ANKMY2: variants seen among roughly 807,000 people sequenced by gnomAD.
ANKMY2 encodes ankyrin repeat and MYND domain-containing protein 2.
A neutral mutation model predicts 50.4 loss-of-function variants in ANKMY2; 36 were observed. The ratio of observed to expected loss-of-function variants is 0.71; its 90% CI spans 0.55 to 0.94. The LOEUF is 0.94. ANKMY2 is among the 40% of genes least tolerant of loss of function. ANKMY2 has a pLI of 0.00. For missense variants in ANKMY2, 565 were observed against 524.0 expected (o/e 1.08, Z -0.76); for synonymous variants, 187 against 178.8 (o/e 1.05, Z -0.36).
intron 5 of ANKMY2, among the ~76,000 whole-genome samples, chr7:16,613,143 C>A (rs181306510): frequency 3.5e-4 from 53 of 152,162 alleles, no homozygotes; most frequent in African/African-American, 1.3e-3. Flanking sequence ...TCCTAGATAA[C>A]CTTCATATTC....
At chr7:16,614,568 C>T (rs1276570443) in intron 5 of ANKMY2, among the ~76,000 whole-genome samples, 1 of 152,150 alleles carries the variant, frequency 6.6e-6, no homozygotes, top group African/African-American at 2.4e-5. Flanking sequence ...GAAAGATGCA[C>T]AGGGATGCAT....
intron 1 of ANKMY2, among the ~76,000 whole-genome samples, chr7:16,637,991 G>C (rs1028084773): frequency 2.0e-5 from 3 of 152,176 alleles, no homozygotes; most frequent in Non-Finnish European, 2.9e-5. Context: ...TTGCCAAATA[G>C]CCAACAATCT....
chr7:16,625,904 C>G (rs1781499886), intron 3 of ANKMY2, among the ~76,000 whole-genome samples: 1 of 151,548 alleles, frequency 6.6e-6, no homozygotes, highest in African/African-American at 2.4e-5. Flanking sequence ...TTTGATCAGC[C>G]AGTGGTATTT....
At position 16,609,677 on chromosome 7, in the gene ANKMY2, C is replaced by G; in HGVS notation, c.835G>C (p.Ala279Pro). 1.2e-6 allele frequency: 2 copies of G among 1,612,894 alleles called. No homozygotes were observed. The highest frequency in any genetic ancestry group is 1.7e-6 in the Non-Finnish European group (2 of 1,179,664). ...CGAACCAGCTGCTGGAGGAGTGTAG[C>G]TTCACAGTAAGGAAATTTTCTGATA... ...ESIRKFPYCE[A>P]TLLQQLVRSI... Residue 279 changes from alanine to proline, a missense_variant, in exon 7 of 10, where the codon GCT becomes CCT. Ala to Pro is a conservative substitution (Grantham distance 27, BLOSUM62 -1). Transcript: ENST00000306999.
At chr7:16,642,567 T>G (rs923913804) in intron 1 of ANKMY2, among the ~76,000 whole-genome samples, 6 of 152,102 alleles carry the variant, frequency 3.9e-5, no homozygotes, top group Non-Finnish European at 8.8e-5. Context: ...GATGCCAGGC[T>G]AGACTTTGCT....
At chr7:16,636,502 T>G in intron 1 of ANKMY2, 47 bp from the exon 2 acceptor site, 1 of 1,447,196 alleles carries the variant, frequency 6.9e-7, no homozygotes, top group African/African-American at 1.4e-5. Flanking sequence ...GTCACTAGAA[T>G]AAGAGAAAAA....
chr7:16,602,312 G>A (rs2128341460), intron 9 of ANKMY2, 68 bp downstream of exon 9: 2 of 1,555,402 alleles, frequency 1.3e-6, no homozygotes, highest in African/African-American at 1.4e-5. Flanking sequence ...CAGTTTCAGT[G>A]TGTTAAGATC....
intron 2 of ANKMY2, 59 bp downstream of exon 2, chr7:16,636,332 G>GGATATATTA (rs1781659582): frequency 3.5e-6 from 1 of 284,052 alleles, no homozygotes; most frequent in Non-Finnish European, 6.3e-6. Flanking sequence ...AAAAAAAAAA[G>GGATATATTA]GATATATTAT....
chr7:16,639,499 G>A (rs1416770867), intron 1 of ANKMY2, among the ~76,000 whole-genome samples: 1 of 152,156 alleles, frequency 6.6e-6, no homozygotes, highest in Non-Finnish European at 1.5e-5. Flanking sequence ...AGCATAACCT[G>A]CCTCATTAGG....
At chr7:16,642,740 T>C (rs941905774) in intron 1 of ANKMY2, among the ~76,000 whole-genome samples, 1 of 152,098 alleles carries the variant, frequency 6.6e-6, no homozygotes, top group East Asian at 1.9e-4. Context: ...TTTCTTCAAC[T>C]ATAAAATAAA....
At position 16,645,617 on chromosome 7, in the gene ANKMY2, T is replaced by TA. The variant is rs749678816; in HGVS notation, c.-45dup. The stretch of plus-strand genomic sequence containing the variant: ...GGTTATTCCCTTTCTTAGGGAGTAT[T>TA]AAAAAAGAAACGATGCGTCTGTATT... On this transcript the variant is annotated 5_prime_UTR_variant, in exon 1 of 10. Coordinates refer to ENST00000306999, the MANE Select transcript of ANKMY2 (RefSeq NM_020319.3). 2 of 1,588,106 alleles carry TA rather than the reference T, an allele frequency of 1.3e-6. No homozygotes were observed. Among genetic ancestry groups the TA allele is most frequent in the South Asian group, 2.3e-5 (2 of 88,374 alleles).
At chr7:16,644,032 G>A (rs1471076742) in intron 1 of ANKMY2, among the ~76,000 whole-genome samples, 3 of 150,472 alleles carry the variant, frequency 2.0e-5, no homozygotes, top group Middle Eastern at 3.4e-3. Flanking sequence ...CAGCGAGAGC[G>A]AGAGAGAGAG....
In ANKMY2 at chr7:16,610,536, G is replaced by A. The variant is rs773034887; in HGVS notation, c.746+13C>T. The A allele has an allele frequency of 5.0e-6, 8 of 1,589,016 alleles. No homozygotes were observed. In the East Asian group the frequency reaches 1.6e-4, roughly 31 times the overall value. ...TTGAGTGTATTTTATAAACGACATA[G>A]TAAAAAGAGTACCTTTTGATCAAGG... is the stretch of plus-strand genomic sequence containing the variant. On this transcript the variant is annotated intron_variant, in intron 6 of 9. Transcript: ENST00000306999.
At chr7:16,643,175 A>T (rs2128347323) in intron 1 of ANKMY2, among the ~76,000 whole-genome samples, 1 of 152,330 alleles carries the variant, frequency 6.6e-6, no homozygotes, top group Non-Finnish European at 1.5e-5. Context: ...AGGCTCAGGA[A>T]AAGTCACTTG....
intron 1 of ANKMY2, chr7:16,644,875 G>A: frequency 2.8e-6 from 1 of 358,064 alleles, no homozygotes; most frequent in Non-Finnish European, 5.6e-6. Flanking sequence ...TGTGCAACGT[G>A]GGCCGAGGGG....
At chr7:16,644,997 A>G (rs766096698) in intron 1 of ANKMY2, among the ~76,000 whole-genome samples, 3 of 152,188 alleles carry the variant, frequency 2.0e-5, no homozygotes, top group Non-Finnish European at 2.9e-5. Flanking sequence ...AGCAAATTAC[A>G]GACCTAGTTC....
At chr7:16,626,179 T>C (rs2214864) in intron 3 of ANKMY2, among the ~76,000 whole-genome samples, 124,660 of 151,868 alleles carry the variant, frequency 0.82, 51,411 homozygotes, top group Admixed American at 0.85. Flanking sequence ...CGGGGTCTCA[T>C]GGTGTTGCCT....
chr7:16,645,531 CCTT>C lies in ANKMY2; in HGVS notation c.40_42del (p.Lys14del). 1.2e-6 allele frequency: 2 copies of C among 1,612,076 alleles called. No homozygotes were observed. Among genetic ancestry groups the C allele is most frequent in the Non-Finnish European group, 1.7e-6 (2 of 1,179,018 alleles). On this transcript the variant is annotated inframe_deletion, in exon 1 of 10. Transcript: ENST00000306999. ...CCTTTCCCGATGACTTCCAGTAGCT[CCTT>C]CTCCTCCTGGGTCAGCTCGCCTTTC...
At chr7:16,609,957 C>T (rs1781220683) in intron 6 of ANKMY2, among the ~76,000 whole-genome samples, 192 bp from the exon 7 acceptor site, 1 of 152,126 alleles carries the variant, frequency 6.6e-6, no homozygotes, top group South Asian at 2.1e-4. Flanking sequence ...TTTTCCAGCC[C>T]ATTAAATGAA....
Sources: allele counts gnomAD v4.1 joint callset (sites outside exome capture counted in the v4.1 genomes callset), GRCh38; gene constraint gnomAD v4.1.1; transcripts MANE v1.5; gene names NCBI Gene and HGNC (gene_info 2026-07-23, HGNC 2026-07-21).